Variants in SPTAN1 observed in about 807,000 individuals in gnomAD.
SPTAN1 encodes spectrin alpha, non-erythrocytic 1.
In SPTAN1, 61 loss-of-function variants were observed where a neutral mutation model predicts 331.3. That is an observed-to-expected ratio of 0.18 (90% CI 0.15 to 0.23). The LOEUF (loss-of-function observed/expected upper bound fraction) is 0.23. SPTAN1 is among the 10% of genes least tolerant of loss of function. The probability of loss-of-function intolerance (pLI) is 1.00; values close to 1 mark genes in which losing one functional copy is unlikely to be tolerated. For missense variants in SPTAN1, 2,043 were observed against 3,147.9 expected (o/e 0.65, Z 8.40); for synonymous variants, 1,153 against 1,173.9 (o/e 0.98, Z 0.36).
chr9:128,631,718 T>G (rs1589413475), intron 52 of SPTAN1: 2 of 218,598 alleles, frequency 9.1e-6, no homozygotes, highest in South Asian at 1.3e-4. Flanking sequence ...TTCCAGCTAC[T>G]CAGGAGATTG....
chr9:128,619,976 C>T (rs1333975436), intron 44 of SPTAN1, among the ~76,000 whole-genome samples: 1 of 152,200 alleles, frequency 6.6e-6, no homozygotes, highest in Non-Finnish European at 1.5e-5. Flanking sequence ...GATTGTCATC[C>T]AGCCTGGACA....
At chr9:128,604,966 T>C in intron 29 of SPTAN1, 68 bp from the exon 30 acceptor site, 3 of 1,485,524 alleles carry the variant, frequency 2.0e-6, no homozygotes, top group Non-Finnish European at 2.7e-6. Context: ...AAATAAATTT[T>C]TTTTAGTGTC....
chr9:128,612,046 G>A, intron 38 of SPTAN1, 63 bp from the exon 39 acceptor site: 3 of 1,613,552 alleles, frequency 1.9e-6, no homozygotes, highest in Non-Finnish European at 1.7e-6. Context: ...CTCAAATTGA[G>A]CTTTAGGAGA....
intron 3 of SPTAN1, among the ~76,000 whole-genome samples, chr9:128,570,282 C>A (rs10988042): frequency 0.15 from 22,574 of 145,832 alleles, 2,283 homozygotes; most frequent in East Asian, 0.44. Context: ...TCTATTAGTA[C>A]CCTCTGCCCT....
chr9:128,632,198 G>A lies in SPTAN1; in HGVS notation c.6834G>A (p.Glu2278=). 8.7e-6 allele frequency: 14 copies of A among 1,613,502 alleles called. No homozygotes were observed. The highest frequency in any genetic ancestry group is 1.2e-5 in the Non-Finnish European group (14 of 1,180,030). The change falls in exon 53 of 57, where the codon GAG becomes GAA. Residue 2278 remains glutamate (E), a synonymous_variant. Coordinates refer to ENST00000372739, the MANE Select transcript of SPTAN1 (RefSeq NM_001130438.3). ...KKIEDLGAAM[E]EALILDNKYT... ...TCGAGGACCTGGGGGCCGCCATGGA[G>A]GAGGCCCTCATCCTGGACAACAAGT...
Position 128,627,504 on chromosome 9 carries a change from A to T in SPTAN1, c.6689+6A>T. On this transcript the variant is annotated splice_donor_region_variant and intron_variant, in intron 50 of 56. Transcript: ENST00000372739. The surrounding 1 kb of genome is among the most constrained non-coding windows in gnomAD (Gnocchi z 4.9). ...CAGTGGATCCAAGAGACCAGGTGCC[A>T]GCCCGCTGGGGCCGGGGAGCAGCAG... The T allele has an allele frequency of 6.4e-7, 1 of 1,550,448 alleles. No individual in the cohort carries two copies. Among genetic ancestry groups the T allele is most frequent in the Non-Finnish European group, 8.7e-7 (1 of 1,146,514 alleles).
chr9:128,598,376 GTTA>G, intron 24 of SPTAN1, 21 bp from the exon 25 acceptor site: 2 of 1,593,768 alleles, frequency 1.3e-6, no homozygotes, highest in Non-Finnish European at 1.7e-6. Context: ...TTGGGTTTTA[GTTA>G]TTATGGCTTT....
In SPTAN1 at chr9:128,574,759, A is replaced by G. The variant is rs1564206745; in HGVS notation, c.448A>G (p.Lys150Glu). 1.2e-6 allele frequency: 2 copies of G among 1,614,078 alleles called. No individual in the cohort carries two copies. The highest frequency in any genetic ancestry group is 1.1e-5 in the South Asian group (1 of 91,096). Residue 150 changes from lysine (K) to glutamate (E), a missense_variant, in exon 4 of 57, where the codon AAG becomes GAG. Physicochemically the swap from Lys to Glu is moderately conservative, Grantham distance 56 (BLOSUM62 1). Transcript: ENST00000372739. ...AGGAATCAAACTGCTGCAGGCCCAG[A>G]AGTTGGTGCAGTACTTACGAGAATG... Reference protein sequence around the residue: ...EKGIKLLQAQKLVQYLRECED... With the variant: ...EKGIKLLQAQELVQYLRECED...
At chr9:128,628,236 G>C (rs752936396) in intron 51 of SPTAN1, 16 of 567,912 alleles carry the variant, frequency 2.8e-5, no homozygotes, top group Non-Finnish European at 5.0e-5. Context: ...GCCAGAGCTG[G>C]AGTCCAGAGG....
At chr9:128,557,378 A>C (rs1177051388) in intron 1 of SPTAN1, among the ~76,000 whole-genome samples, 1 of 152,090 alleles carries the variant, frequency 6.6e-6, no homozygotes, top group East Asian at 1.9e-4. Context: ...AGAGAAACTG[A>C]CTGCACTCAC....
At chr9:128,613,794 A>G (rs937904659) in intron 40 of SPTAN1, among the ~76,000 whole-genome samples, 5 of 152,130 alleles carry the variant, frequency 3.3e-5, no homozygotes, top group Admixed American at 3.3e-4. Flanking sequence ...TCCTGAGGTC[A>G]GGAGTTCGAG....
intron 45 of SPTAN1, 24 bp downstream of exon 45, chr9:128,621,280 C>T: frequency 6.3e-7 from 1 of 1,597,576 alleles, no homozygotes; most frequent in Non-Finnish European, 8.6e-7. Flanking sequence ...ATTGGTAAGA[C>T]CTCCATCGCC....
intron 43 of SPTAN1, 118 bp downstream of exon 43, chr9:128,618,226 CAT>C: frequency 6.7e-7 from 1 of 1,481,752 alleles, no homozygotes; most frequent in Admixed American, 1.9e-5. Flanking sequence ...TTTGGCCTCA[CAT>C]GTGCCATAGT....
At chr9:128,600,327 G>T (rs1296276432) in intron 27 of SPTAN1, among the ~76,000 whole-genome samples, 2 of 152,180 alleles carry the variant, frequency 1.3e-5, no homozygotes, top group African/African-American at 2.4e-5. Context: ...GTACAGTTAG[G>T]TTGCATTGAT....
At position 128,576,927 on chromosome 9, in the gene SPTAN1, T is replaced by C; in HGVS notation, c.756T>C (p.Phe252=). Residue 252 remains phenylalanine (F), a synonymous_variant, in exon 6 of 57, where the codon TTT becomes TTC. Transcript: ENST00000372739. ...CTCTGCAGAGGCAGGGGAAGCTCTT[T>C]GGGGCAGCAGAAGTTCAGCGCTTTA... The part of the protein sequence containing the change: ...GLALQRQGKL[F]GAAEVQRFNR... The C allele has an allele frequency of 6.2e-7, 1 of 1,614,086 alleles. No homozygotes were observed. The highest frequency in any genetic ancestry group is 8.5e-7 in the Non-Finnish European group (1 of 1,180,018).
intron 43 of SPTAN1, 41 bp from the exon 44 acceptor site, chr9:128,618,830 A>C (rs997338661): frequency 3.7e-6 from 6 of 1,613,882 alleles, no homozygotes; most frequent in Non-Finnish European, 4.2e-6. Flanking sequence ...TCAAAGCTGG[A>C]GGAGATTATG....
At chr9:128,626,767 G>A in intron 49 of SPTAN1, 80 bp downstream of exon 49, 1 of 1,298,798 alleles carries the variant, frequency 7.7e-7, no homozygotes, top group Non-Finnish European at 1.0e-6. Flanking sequence ...ACACTTAACT[G>A]AGTCACGACA....
chr9:128,623,315 T>C (rs1858191747), intron 45 of SPTAN1, among the ~76,000 whole-genome samples: 1 of 151,826 alleles, frequency 6.6e-6, no homozygotes, highest in Non-Finnish European at 1.5e-5. Context: ...GCTCAAGTGA[T>C]TCTCTCGCCT....
chr9:128,606,199 A>G (rs1648465635), intron 31 of SPTAN1, among the ~76,000 whole-genome samples: 1 of 151,032 alleles, frequency 6.6e-6, no homozygotes, highest in Admixed American at 6.6e-5. Flanking sequence ...GTGAAACCCC[A>G]TCTCTACTAA....
Sources: allele counts gnomAD v4.1 joint callset (sites outside exome capture counted in the v4.1 genomes callset), GRCh38; gene constraint gnomAD v4.1.1; non-coding constraint Gnocchi (gnomAD v3.1); transcripts MANE v1.5; gene names NCBI Gene and HGNC (gene_info 2026-07-23, HGNC 2026-07-21).